Variants in RHBDF1 observed in about 807,000 individuals in gnomAD.
RHBDF1 encodes rhomboid 5 homolog 1, also known as inactive rhomboid protein 1.
Under a neutral mutation model 98.6 loss-of-function variants are expected in RHBDF1, and 80 were observed. That is an observed-to-expected ratio of 0.81 (90% CI 0.68 to 0.98). The LOEUF (loss-of-function observed/expected upper bound fraction) is 0.98, where lower values mean the gene tolerates loss of function less well. RHBDF1 is among the 50% of genes least tolerant of loss of function. The probability of loss-of-function intolerance (pLI) is 0.00; values close to 1 mark genes in which losing one functional copy is unlikely to be tolerated. For missense variants in RHBDF1, 1,116 were observed against 1,198.3 expected, an observed-to-expected ratio of 0.93 and a Z score of 1.01; for synonymous variants, 512 against 486.8, an observed-to-expected ratio of 1.05 and a Z score of -0.68.
At position 64,408 on chromosome 16, in the gene RHBDF1, G is replaced by A. The variant is rs931831845; in HGVS notation, c.248+291C>T. On this transcript the variant is annotated intron_variant, in intron 3 of 17. Transcript: ENST00000262316. The stretch of plus-strand genomic sequence containing the variant: ...AGCCCGGGGACCCAAGAGGGGCAGA[G>A]TGTGGACACGCCCGAAGCGTACTTG... 42 of 1,409,472 alleles carry A rather than the reference G, an allele frequency of 3.0e-5. No individual in the cohort carries two copies. The Admixed American group carries it at 3.7e-4, about 12-fold the overall frequency. The allele number at this position is 1,409,472 out of a possible 1,614,324, so 87.3% of individuals were successfully genotyped here.
chr16:58,847 G>T, intron 17 of RHBDF1, 88 bp from the exon 18 acceptor site: 1 of 1,552,828 alleles, frequency 6.4e-7, no homozygotes, highest in Non-Finnish European at 8.8e-7. Flanking sequence ...CACTTCCCAT[G>T]GCCCAGAGCA....
upstream of RHBDF1, among the ~76,000 whole-genome samples, chr16:75,152 CCT>C (rs1898061028): frequency 6.6e-6 from 1 of 152,190 alleles, no homozygotes; most frequent in Non-Finnish European, 1.5e-5. Context: ...GCTCCCGGCC[CCT>C]CTCTTCCCGC....
At chr16:75,931 G>A (rs1898078915), upstream of RHBDF1, among the ~76,000 whole-genome samples, 2 of 152,274 alleles carry the variant, frequency 1.3e-5, no homozygotes, top group African/African-American at 4.8e-5. Context: ...GGGGTCATAA[G>A]GCTGATACTA....
intron 7 of RHBDF1, 23 bp downstream of exon 7, chr16:62,515 T>G (rs216604): frequency 1.6e-5 from 26 of 1,608,206 alleles, no homozygotes; most frequent in African/African-American, 9.3e-5. Flanking sequence ...TCTCTGCCCC[T>G]CTTCCCTGCC....
rs370330993 is a variant in RHBDF1 at position 64,926 on chromosome 16, C to T, written c.90G>A (p.Leu30=). 3.7e-6 allele frequency: 6 copies of T among 1,604,080 alleles called. No individual in the cohort carries two copies. Among genetic ancestry groups the T allele is most frequent in the Non-Finnish European group, 5.1e-6 (6 of 1,173,248 alleles). ...LKLDIPSAVP[L]TAEEPSFLQP... ...GCAGGAAGCTGGGCTCTTCTGCCGT[C>T]AGGGGCACCGCAGAGGGAATGTCCA... The change falls in exon 2 of 18, where the codon CTG becomes CTA. Residue 30 remains leucine (L), a synonymous_variant. Transcript: ENST00000262316.
chr16:61,166 C>A lies in RHBDF1; in HGVS notation c.1511G>T (p.Arg504Leu), dbSNP rs1307966885. Residue 504 changes from arginine (R) to leucine (L), a missense_variant, in exon 11 of 18, where the codon CGC (arginine) becomes CTC (leucine). By Grantham distance (102) the Arg-to-Leu change is moderately radical. Transcript: ENST00000262316. Reference protein sequence around the residue: ...EREKHSACCVRNDRSGCVQTS... With the variant: ...EREKHSACCVLNDRSGCVQTS... ...CTGCACGCAGCCCGACCTGTCGTTGCGCACGCAGCAGGCGGAGTGCTTCTC... is the reference window on the plus strand; with the variant it reads ...CTGCACGCAGCCCGACCTGTCGTTGAGCACGCAGCAGGCGGAGTGCTTCTC... The A allele has an allele frequency of 1.9e-6, 3 of 1,539,694 alleles. No homozygotes were observed. The highest frequency in any genetic ancestry group is 1.7e-6 in the Non-Finnish European group (2 of 1,145,132).
chr16:63,094 G>A lies in RHBDF1; in HGVS notation c.551C>T (p.Pro184Leu), dbSNP rs146373106. The change falls in exon 5 of 18, where the codon CCG (proline) becomes CTG (leucine). Residue 184 changes from proline to leucine, a missense_variant. Pro to Leu is a moderately conservative substitution (Grantham distance 98). Transcript: ENST00000262316. ...GAAGGAGCAGAGGGAGGCAGCACCC[G>A]GCGTGACGGGAGTGTGTGGGGCACT... Reference protein sequence around the residue: ...GLSAPHTPVTPGAASLCSFSS... With the variant: ...GLSAPHTPVTLGAASLCSFSS... 137 of 1,610,034 alleles carry A rather than the reference G, an allele frequency of 8.5e-5. 1 individual carries two copies. The East Asian group carries it at 2.5e-3, about 29-fold the overall frequency.
At chr16:64,297 G>C in intron 3 of RHBDF1, 1 of 1,337,472 alleles carries the variant, frequency 7.5e-7, no homozygotes, top group Non-Finnish European at 9.9e-7. Context: ...GCACATGCCA[G>C]AAAACACCAA....
intron 4 of RHBDF1, 90 bp downstream of exon 4, chr16:63,497 G>A (rs1596470863): frequency 8.6e-7 from 1 of 1,158,922 alleles, no homozygotes; most frequent in Non-Finnish European, 1.2e-6. Flanking sequence ...CTCCCAGAGA[G>A]TCCCTTCTGC....
chr16:67,576 A>G (rs762677550), intron 1 of RHBDF1, among the ~76,000 whole-genome samples: 2 of 152,200 alleles, frequency 1.3e-5, no homozygotes, highest in Non-Finnish European at 2.9e-5. Flanking sequence ...AGAGCCCTGC[A>G]AATGCGCTCT....
chr16:63,695 G>C lies in RHBDF1; in HGVS notation c.354C>G (p.Pro118=). The stretch of plus-strand genomic sequence containing the variant: ...GCAGGTCCAGCTCCCGGAGGACCTG[G>C]GGCTTCAGCTTCCCGTAGCGCTGGC... ...HCSQRYGKLK[P]QVLRELDLPS... Residue 118 remains proline, a synonymous_variant, in exon 4 of 18, where the codon CCC becomes CCG. Transcript: ENST00000262316. 6.2e-7 allele frequency: 1 copy of C among 1,613,496 alleles called. No homozygotes were observed. The highest frequency in any genetic ancestry group is 8.5e-7 in the Non-Finnish European group (1 of 1,179,970).
Position 72,603 on chromosome 16 carries a change from G to C in RHBDF1, c.-115C>G, listed in dbSNP as rs1362515290. On this transcript the variant is annotated 5_prime_UTR_variant, in exon 1 of 18. Coordinates refer to ENST00000262316, the MANE Select transcript of RHBDF1 (RefSeq NM_022450.5). ...GAGGGCCCGCGCCGAGTCCCCGCCCGCCCGCCGGTCCGGCCCGCCCGGGAA... is the reference window on the plus strand; with the variant it reads ...GAGGGCCCGCGCCGAGTCCCCGCCCCCCCGCCGGTCCGGCCCGCCCGGGAA... 1.0e-6 allele frequency: 1 copy of C among 977,240 alleles called. No homozygotes were observed. The highest frequency in any genetic ancestry group is 1.2e-6 in the Non-Finnish European group (1 of 824,952). The allele number at this position is 977,240 out of a possible 1,614,324, so 60.5% of individuals were successfully genotyped here.
intron 3 of RHBDF1, chr16:64,151 G>C: frequency 1.2e-6 from 1 of 847,354 alleles, no homozygotes; most frequent in Non-Finnish European, 1.7e-6. Context: ...ACAGAGCTCA[G>C]ACAGCAGGTG....
chr16:62,144 G>A, intron 7 of RHBDF1, 92 bp from the exon 8 acceptor site: 4 of 1,416,866 alleles, frequency 2.8e-6, no homozygotes, highest in Non-Finnish European at 3.7e-6. Flanking sequence ...TCTCTATCCT[G>A]GCGAATATAC....
intron 13 of RHBDF1, 65 bp downstream of exon 13, chr16:60,151 G>A (rs1897553175): frequency 1.2e-6 from 2 of 1,610,990 alleles, no homozygotes; most frequent in East Asian, 4.5e-5. Context: ...ACCAGTGGGT[G>A]GGGTGTGGCA....
chr16:63,320 TC>T, intron 4 of RHBDF1, 138 bp from the exon 5 acceptor site: 1 of 751,092 alleles, frequency 1.3e-6, no homozygotes, highest in Non-Finnish European at 2.1e-6. Context: ...TGGCCACCAC[TC>T]CCACCCCACA....
intron 7 of RHBDF1, 128 bp downstream of exon 7, chr16:62,410 T>C: frequency 8.0e-7 from 1 of 1,251,212 alleles, no homozygotes; most frequent in African/African-American, 1.5e-5. Context: ...GCCCAGTGAG[T>C]AGTGAGTTCC....
upstream of RHBDF1, among the ~76,000 whole-genome samples, chr16:73,405 C>T (rs976071557): frequency 3.3e-5 from 5 of 152,184 alleles, no homozygotes; most frequent in Admixed American, 6.5e-5. Flanking sequence ...CTGGTGTCCA[C>T]TCTGGGCTCT....
chr16:61,438 A>T lies in RHBDF1; in HGVS notation c.1342T>A (p.Tyr448Asn), dbSNP rs779489837. Residue 448 changes from tyrosine to asparagine, a missense_variant, in exon 10 of 18, where the codon TAC (tyrosine) becomes AAC (asparagine). Physicochemically the swap from Tyr to Asn is moderately radical, Grantham distance 143 (BLOSUM62 -2). Transcript: ENST00000262316. ...TGCTGCACGTACTTGACGTTCTCGT[A>T]GACCCCGCGGTTCCGCAGCACCTGG... is the stretch of plus-strand genomic sequence containing the variant. ...VDSVLRNRGVYENVKYVQQEN... is the reference protein window; with the variant it reads ...VDSVLRNRGVNENVKYVQQEN... 1.2e-6 allele frequency: 2 copies of T among 1,612,482 alleles called. No homozygotes were observed. Among genetic ancestry groups the T allele is most frequent in the East Asian group, 2.2e-5 (1 of 44,856 alleles).
Sources: gnomAD v4.1 joint callset for allele counts (sites outside exome capture counted in the v4.1 genomes callset) on GRCh38, gnomAD v4.1.1 for gene constraint, MANE v1.5 for transcripts, NCBI Gene and HGNC (gene_info 2026-07-23, HGNC 2026-07-21) for gene names.